Variants in MNS1 observed in about 807,000 individuals in gnomAD.
The protein encoded by MNS1 is meiosis specific nuclear structural 1.
MNS1 carries 63 observed loss-of-function variants against 72.0 expected under a neutral mutation model. The observed-to-expected ratio is 0.87, with a 90% CI of 0.71 to 1.08. The LOEUF (loss-of-function observed/expected upper bound fraction) is 1.08. Among genes scored for constraint, MNS1 ranks in the 50% least tolerant of loss-of-function variants. The probability of loss-of-function intolerance (pLI) is 0.00; values close to 1 mark genes in which losing one functional copy is unlikely to be tolerated. For missense variants in MNS1, 604 were observed against 562.4 expected (o/e 1.07, Z -0.75); for synonymous variants, 188 against 172.1 (o/e 1.09, Z -0.72).
intron 2 of MNS1, among the ~76,000 whole-genome samples, chr15:56,456,822 T>C (rs1238016426): frequency 1.3e-5 from 2 of 152,132 alleles, no homozygotes; most frequent in Non-Finnish European, 2.9e-5. Flanking sequence ...TTTCACTCTT[T>C]TTTCCCTTAT....
chr15:56,430,124 A>T (rs1036809796), intron 9 of MNS1: 2 of 152,240 alleles, frequency 1.3e-5, no homozygotes, highest in South Asian at 4.1e-4. Flanking sequence ...TCTACTGAAT[A>T]AAATATGAAA....
At position 56,431,408 on chromosome 15, in the gene MNS1, C is replaced by T; in HGVS notation, c.1360G>A (p.Glu454Lys). The T allele has an allele frequency of 6.2e-7, 1 of 1,613,398 alleles. No homozygotes were observed. Among genetic ancestry groups the T allele is most frequent in the Non-Finnish European group, 8.5e-7 (1 of 1,179,848 alleles). ...TAGCCTAGTAAGTTTGTAGCATGCT[C>T]TTTAAGAAGTTTTAGCCTTTCTTCT... ...IEEERLKLLK[E>K]HATNLLGYLP... The change falls in exon 9 of 10, where the codon GAG becomes AAG. Residue 454 changes from glutamate (E) to lysine (K), a missense_variant. Physicochemically the swap from Glu to Lys is moderately conservative, Grantham distance 56. Transcript: ENST00000260453.
At chr15:56,441,027 T>G (rs1307362443) in intron 7 of MNS1, among the ~76,000 whole-genome samples, 1 of 152,186 alleles carries the variant, frequency 6.6e-6, no homozygotes, top group Non-Finnish European at 1.5e-5. Context: ...TTTAAAGATA[T>G]AAACTTTCCT....
intron 2 of MNS1, among the ~76,000 whole-genome samples, chr15:56,462,362 AC>A (rs1265766188): frequency 6.6e-6 from 1 of 152,208 alleles, no homozygotes; most frequent in African/African-American, 2.4e-5. Flanking sequence ...TACTGGCATC[AC>A]TAAAAGTGGA....
intron 2 of MNS1, among the ~76,000 whole-genome samples, chr15:56,461,660 C>CAAAAAAAAAA (rs11294380): frequency 1.8e-5 from 1 of 57,086 alleles, no homozygotes; most frequent in Non-Finnish European, 3.2e-5. Flanking sequence ...GACTCTGTCT[C>CAAAAAAAAAA]AAAAAAAAAA....
intron 2 of MNS1, among the ~76,000 whole-genome samples, chr15:56,462,043 C>T (rs2051027140): frequency 8.3e-6 from 1 of 120,158 alleles, no homozygotes; most frequent in Non-Finnish European, 1.6e-5. Context: ...GGGTATCTGT[C>T]ATTCAGGCTG....
At chr15:56,444,953 TGTAA>T (rs1567151660) in intron 4 of MNS1, among the ~76,000 whole-genome samples, 1 of 152,030 alleles carries the variant, frequency 6.6e-6, no homozygotes, top group African/African-American at 2.4e-5. Flanking sequence ...TGAATACAAT[TGTAA>T]GTAGTTTCTT....
intron 7 of MNS1, among the ~76,000 whole-genome samples, chr15:56,434,810 C>T (rs2140331681): frequency 6.6e-6 from 1 of 152,152 alleles, no homozygotes; most frequent in South Asian, 2.1e-4. Flanking sequence ...CAACCTCCTC[C>T]TCAAAATCAA....
At chr15:56,462,681 A>T (rs1489780839) in intron 2 of MNS1, among the ~76,000 whole-genome samples, 1 of 152,228 alleles carries the variant, frequency 6.6e-6, no homozygotes, top group Non-Finnish European at 1.5e-5. Flanking sequence ...AACAGACATA[A>T]CCACCAAATA....
At chr15:56,458,378 C>G (rs1182832140) in intron 2 of MNS1, among the ~76,000 whole-genome samples, 1 of 152,176 alleles carries the variant, frequency 6.6e-6, no homozygotes, top group African/African-American at 2.4e-5. Flanking sequence ...TACACATGCT[C>G]AGCTTCCCCT....
At chr15:56,463,964 G>A (rs1169401346) in intron 2 of MNS1, 62 bp downstream of exon 2, 8 of 1,326,786 alleles carry the variant, frequency 6.0e-6, no homozygotes, top group Non-Finnish European at 7.3e-6. Flanking sequence ...ATTAACAGCT[G>A]ACTTTCATCG....
chr15:56,430,155 G>C (rs1197886037), intron 9 of MNS1: 2 of 152,094 alleles, frequency 1.3e-5, no homozygotes, highest in African/African-American at 2.4e-5. Context: ...ATAGCTGAAA[G>C]ATGGCGATCT....
chr15:56,446,057 T>C (rs1414392524), intron 4 of MNS1: 2 of 151,978 alleles, frequency 1.3e-5, no homozygotes, highest in East Asian at 3.9e-4. Flanking sequence ...AACACACACA[T>C]ATATGTGTCA....
At chr15:56,458,560 C>CATAAAAGTGTT (rs11270961) in intron 2 of MNS1, among the ~76,000 whole-genome samples, 3 of 151,982 alleles carry the variant, frequency 2.0e-5, no homozygotes, top group Non-Finnish European at 4.4e-5. Flanking sequence ...ATGTATCTAC[C>CATAAAAGTGTT]GTACACAATC....
chr15:56,463,928 C>T, intron 2 of MNS1, 98 bp downstream of exon 2: 2 of 956,206 alleles, frequency 2.1e-6, no homozygotes, highest in Non-Finnish European at 3.1e-6. Context: ...TTACCTGCTG[C>T]TGTTGTTTAT....
intron 3 of MNS1, among the ~76,000 whole-genome samples, chr15:56,449,713 A>C (rs985527547): frequency 6.6e-6 from 1 of 152,226 alleles, no homozygotes; most frequent in Admixed American, 6.5e-5. Flanking sequence ...GACAAGGTTA[A>C]ATTACAGATG....
intron 8 of MNS1, 109 bp downstream of exon 8, chr15:56,434,029 A>G (rs2050671326): frequency 1.6e-6 from 2 of 1,227,048 alleles, no homozygotes; most frequent in Non-Finnish European, 2.3e-6. Flanking sequence ...TAGTAAACAT[A>G]CTAACATTGT....
intron 8 of MNS1, among the ~76,000 whole-genome samples, chr15:56,433,696 T>G (rs1463840313): frequency 6.6e-6 from 1 of 152,130 alleles, no homozygotes; most frequent in Admixed American, 6.6e-5. Context: ...AAAGTACAGA[T>G]CTTAATATAC....
chr15:56,453,453 A>T (rs892631602), intron 3 of MNS1, among the ~76,000 whole-genome samples: 1 of 152,156 alleles, frequency 6.6e-6, no homozygotes, highest in Admixed American at 6.5e-5. Flanking sequence ...CAGCTTGATT[A>T]TCAGTCCAGA....
Sources: allele counts gnomAD v4.1 joint callset (sites outside exome capture counted in the v4.1 genomes callset), GRCh38; gene constraint gnomAD v4.1.1; transcripts MANE v1.5; gene names NCBI Gene and HGNC (gene_info 2026-07-23, HGNC 2026-07-21).